WWP2: variants seen among roughly 807,000 people sequenced by gnomAD.
WWP2 encodes NEDD4-like E3 ubiquitin-protein ligase WWP2.
Under a neutral mutation model 121.0 loss-of-function variants are expected in WWP2, and 57 were observed. That is an observed-to-expected ratio of 0.47 (90% confidence interval 0.38 to 0.59). The LOEUF is 0.59. WWP2 is among the 20% of genes least tolerant of loss of function. WWP2 has a pLI of 0.00. For missense variants in WWP2, 962 were observed against 1,158.9 expected (o/e 0.83, Z 2.47); for synonymous variants, 449 against 441.3 (o/e 1.02, Z -0.22).
At chr16:69,771,314 C>T (rs1271935680) in intron 1 of WWP2, among the ~76,000 whole-genome samples, 4 of 152,050 alleles carry the variant, frequency 2.6e-5, no homozygotes, top group Middle Eastern at 6.3e-3. Flanking sequence ...AGTGTGCTAT[C>T]TTGGCTCACT....
chr16:69,834,138 G>A (rs1347383925), intron 4 of WWP2, among the ~76,000 whole-genome samples: 3 of 152,158 alleles, frequency 2.0e-5, no homozygotes, highest in Non-Finnish European at 4.4e-5. Context: ...ACGGAGTCCC[G>A]TCCCATGTTG....
chr16:69,784,123 G>A (rs1205044521), intron 1 of WWP2, among the ~76,000 whole-genome samples: 1 of 122,416 alleles, frequency 8.2e-6, no homozygotes, highest in Non-Finnish European at 1.6e-5. Flanking sequence ...TTTTGAGACG[G>A]AGTCTTGCTG....
At chr16:69,871,962 C>T in intron 7 of WWP2, 31 bp downstream of exon 7, 1 of 1,601,578 alleles carries the variant, frequency 6.2e-7, no homozygotes, top group Non-Finnish European at 8.5e-7. Flanking sequence ...CCAGCCTGCA[C>T]TGAAGCTGTG....
At chr16:69,866,052 G>T (rs1433315471) in intron 6 of WWP2, among the ~76,000 whole-genome samples, 1 of 152,114 alleles carries the variant, frequency 6.6e-6, no homozygotes, top group Non-Finnish European at 1.5e-5. Context: ...CTCTGACCTC[G>T]CATCTCATCA....
At chr16:69,904,707 C>T (rs2058260623) in intron 8 of WWP2, among the ~76,000 whole-genome samples, 1 of 152,146 alleles carries the variant, frequency 6.6e-6, no homozygotes, top group African/African-American at 2.4e-5. Context: ...TTTGCCAGAT[C>T]CTGCCCTTTT....
chr16:69,831,716 T>G (rs2151859598), intron 4 of WWP2, among the ~76,000 whole-genome samples: 1 of 152,284 alleles, frequency 6.6e-6, no homozygotes, highest in African/African-American at 2.4e-5. Context: ...TTGACTGATG[T>G]GTCTTCTACC....
At chr16:69,815,787 GA>G (rs767903816) in intron 4 of WWP2, among the ~76,000 whole-genome samples, 1,010 of 95,898 alleles carry the variant, frequency 0.011, 7 homozygotes, top group African/African-American at 0.029. Context: ...ACTCCGTCTC[GA>G]AAAAAAAAAA....
intron 7 of WWP2, among the ~76,000 whole-genome samples, chr16:69,873,674 G>A (rs1318748703): frequency 1.3e-5 from 2 of 152,238 alleles, no homozygotes; most frequent in African/African-American, 4.8e-5. Flanking sequence ...AGAAAACTCA[G>A]TGGCTTGTGG....
Position 69,940,355 on chromosome 16 carries a change from G to T in WWP2, c.*415G>T, listed in dbSNP as rs532675420. ...CCACTGGGGGTGGCTGTTCGGGACT[G>T]AGAGCGCCAAGGGTCTTTGCCAGCA... is the stretch of plus-strand genomic sequence containing the variant. On this transcript the variant is annotated 3_prime_UTR_variant, in exon 24 of 24. Transcript: ENST00000359154. 1.7e-5 allele frequency: 3 copies of T among 177,170 alleles called. No homozygotes were observed. The highest frequency in any genetic ancestry group is 7.1e-5 in the African/African-American group (3 of 42,366). 11.0% of individuals were successfully genotyped at this position (177,170 alleles called of 1,614,324 possible).
chr16:69,806,800 AT>A (rs1466549814), intron 4 of WWP2, among the ~76,000 whole-genome samples: 2 of 151,936 alleles, frequency 1.3e-5, no homozygotes, highest in Admixed American at 6.6e-5. Context: ...TAACTTAAAC[AT>A]TTTTGTTTTT....
At chr16:69,896,964 C>T (rs995062320) in intron 8 of WWP2, among the ~76,000 whole-genome samples, 1 of 152,062 alleles carries the variant, frequency 6.6e-6, no homozygotes, top group Non-Finnish European at 1.5e-5. Flanking sequence ...CCAGTATATG[C>T]TTTTAAAATC....
chr16:69,789,292 C>A (rs577779229), intron 2 of WWP2, among the ~76,000 whole-genome samples: 12 of 152,064 alleles, frequency 7.9e-5, no homozygotes, highest in Non-Finnish European at 1.6e-4. Flanking sequence ...TGCAGTGGTG[C>A]GATCTCGACT....
intron 7 of WWP2, among the ~76,000 whole-genome samples, chr16:69,880,369 T>C (rs1281375142): frequency 6.6e-6 from 1 of 152,150 alleles, no homozygotes; most frequent in Non-Finnish European, 1.5e-5. Context: ...ATTACTGATG[T>C]GTTATCGTAT....
chr16:69,803,027 T>G (rs2056203190), intron 4 of WWP2, among the ~76,000 whole-genome samples: 1 of 151,984 alleles, frequency 6.6e-6, no homozygotes, highest in Non-Finnish European at 1.5e-5. Context: ...TACCTTCCCA[T>G]CAGCAGTGGC....
chr16:69,831,603 C>T (rs559062669), intron 4 of WWP2, among the ~76,000 whole-genome samples: 2 of 152,188 alleles, frequency 1.3e-5, no homozygotes, highest in East Asian at 1.9e-4. Flanking sequence ...CCTTGCTGCA[C>T]GTACAAACTC....
At chr16:69,841,898 G>A in intron 5 of WWP2, 126 bp from the exon 6 acceptor site, 2 of 839,334 alleles carry the variant, frequency 2.4e-6, no homozygotes, top group East Asian at 2.7e-5. Flanking sequence ...CTTGCCGGAT[G>A]TCCATATCCC....
chr16:69,937,721 G>A lies in WWP2; in HGVS notation c.2343+69G>A. 6.7e-7 allele frequency: 1 copy of A among 1,488,340 alleles called. No homozygotes were observed. The highest frequency in any genetic ancestry group is 9.3e-7 in the Non-Finnish European group (1 of 1,076,558). 92.2% of individuals were successfully genotyped at this position (1,488,340 alleles called of 1,614,324 possible). A position where few individuals can be genotyped will look rare whatever the true frequency, so the allele number is the denominator to read the frequency against. ...AACCAAAGGAAACGGGTCCTGAGGA[G>A]GCCTCACGCGCAAGGACCTTCAGCT... On this transcript the variant is annotated intron_variant, in intron 21 of 23. Coordinates refer to ENST00000359154, the MANE Select transcript of WWP2 (RefSeq NM_001270454.2). This position sits in a 1 kb window ranked among gnomAD's most constrained non-coding sequence, Gnocchi z 6.6.
At chr16:69,908,977 T>C (rs941471865) in intron 9 of WWP2, 127 bp downstream of exon 9, 3 of 1,493,058 alleles carry the variant, frequency 2.0e-6, no homozygotes, top group East Asian at 2.4e-5. Context: ...GGTCACTTGA[T>C]TGCTTTTCCT....
At chr16:69,845,349 A>G (rs2057052038) in intron 6 of WWP2, among the ~76,000 whole-genome samples, 1 of 152,106 alleles carries the variant, frequency 6.6e-6, no homozygotes, top group African/African-American at 2.4e-5. Flanking sequence ...GTTTACATCA[A>G]GGACTGTAGT....
Sources: gnomAD v4.1 joint callset for allele counts (sites outside exome capture counted in the v4.1 genomes callset) on GRCh38, gnomAD v4.1.1 for gene constraint, Gnocchi (gnomAD v3.1) non-coding constraint, MANE v1.5 for transcripts, NCBI Gene and HGNC (gene_info 2026-07-23, HGNC 2026-07-21) for gene names.